Variants in CSMD1 observed in about 807,000 individuals in gnomAD.
The protein encoded by CSMD1 is CUB and sushi domain-containing protein 1.
In CSMD1, 213 loss-of-function variants were observed where a neutral mutation model predicts 417.5. The observed-to-expected ratio is 0.51, with a 90% CI of 0.46 to 0.57. CSMD1 has a LOEUF of 0.57. Among genes scored for constraint, CSMD1 ranks in the 20% least tolerant of loss-of-function variants. The pLI, the probability that CSMD1 is intolerant of heterozygous loss-of-function variation, is 0.00. For synonymous variants in CSMD1, 2,862 were observed against 1,736.8 expected (o/e 1.65, Z -16.11); for missense variants, 6,923 against 4,529.7 (o/e 1.53, Z -15.17).
intron 7 of CSMD1, among the ~76,000 whole-genome samples, chr8:3,636,052 T>C (rs927667538): frequency 6.7e-6 from 1 of 149,592 alleles, no homozygotes; most frequent in African/African-American, 2.5e-5. Context: ...ATATCCTTAC[T>C]CTATAAGCTT....
At chr8:4,289,318 C>T (rs1797232598) in intron 3 of CSMD1, among the ~76,000 whole-genome samples, 1 of 152,208 alleles carries the variant, frequency 6.6e-6, no homozygotes, top group Non-Finnish European at 1.5e-5. Flanking sequence ...AGATTGCTAT[C>T]ACGTAACTCC....
At chr8:3,723,574 A>G (rs546568228) in intron 6 of CSMD1, among the ~76,000 whole-genome samples, 1 of 152,326 alleles carries the variant, frequency 6.6e-6, no homozygotes, top group African/African-American at 2.4e-5. Flanking sequence ...CAATTATTAG[A>G]TAGTCTTTTT....
At chr8:3,103,577 C>T (rs1815911103) in intron 46 of CSMD1, among the ~76,000 whole-genome samples, 1 of 151,938 alleles carries the variant, frequency 6.6e-6, no homozygotes, top group Non-Finnish European at 1.5e-5. Context: ...TAGGAATTTT[C>T]AGCTTCATTA....
intron 5 of CSMD1, among the ~76,000 whole-genome samples, chr8:3,777,177 G>T (rs1344738688): frequency 6.6e-6 from 1 of 151,536 alleles, no homozygotes; most frequent in Non-Finnish European, 1.5e-5. Context: ...ATATATGTAT[G>T]TGTGTCTGTT....
At chr8:3,944,820 A>G (rs898201430) in intron 5 of CSMD1, among the ~76,000 whole-genome samples, 3 of 152,174 alleles carry the variant, frequency 2.0e-5, no homozygotes, top group African/African-American at 4.8e-5. Flanking sequence ...TCCCCCGCCA[A>G]TCCAATAATT....
chr8:3,990,337 A>G (rs1462617764), intron 5 of CSMD1, among the ~76,000 whole-genome samples: 1 of 152,176 alleles, frequency 6.6e-6, no homozygotes, highest in Non-Finnish European at 1.5e-5. Flanking sequence ...GAAATCTGAC[A>G]TGAGAGAAAT....
At chr8:4,124,133 T>G (rs1346625767) in intron 3 of CSMD1, among the ~76,000 whole-genome samples, 3 of 151,696 alleles carry the variant, frequency 2.0e-5, no homozygotes, top group Admixed American at 1.3e-4. Context: ...AGAAGTCAAG[T>G]GATGAATGTT....
At chr8:4,151,880 T>A (rs2131057440) in intron 3 of CSMD1, among the ~76,000 whole-genome samples, 2 of 152,288 alleles carry the variant, frequency 1.3e-5, no homozygotes, top group Non-Finnish European at 2.9e-5. Context: ...CAGGCACACA[T>A]TAAATATTAG....
chr8:4,982,888 T>G (rs1810976973), intron 1 of CSMD1, among the ~76,000 whole-genome samples: 1 of 152,178 alleles, frequency 6.6e-6, no homozygotes. Flanking sequence ...ATTTTGTAAC[T>G]GCAGTTGTAA....
chr8:3,874,379 G>A (rs1041500148), intron 5 of CSMD1, among the ~76,000 whole-genome samples: 5 of 152,310 alleles, frequency 3.3e-5, no homozygotes, highest in African/African-American at 9.6e-5. Context: ...CTTTAAAGAC[G>A]TACTTTTCAG....
At chr8:3,280,148 G>A (rs1257537322) in intron 26 of CSMD1, among the ~76,000 whole-genome samples, 1 of 152,100 alleles carries the variant, frequency 6.6e-6, no homozygotes, top group Non-Finnish European at 1.5e-5. Context: ...CCCATGCTGG[G>A]GCTTCTTATT....
intron 6 of CSMD1, among the ~76,000 whole-genome samples, chr8:3,734,553 A>G (rs1466684378): frequency 2.6e-5 from 4 of 152,156 alleles, no homozygotes. Context: ...TCTACTAAAA[A>G]TACCCAAAAT....
At chr8:3,772,710 CAT>C (rs756161334) in intron 5 of CSMD1, among the ~76,000 whole-genome samples, 29 of 145,252 alleles carry the variant, frequency 2.0e-4, no homozygotes, top group East Asian at 1.6e-3. Flanking sequence ...TACACACACA[CAT>C]ATATATATAT....
intron 3 of CSMD1, among the ~76,000 whole-genome samples, chr8:4,131,984 T>C (rs1039145307): frequency 2.0e-5 from 3 of 152,012 alleles, no homozygotes; most frequent in African/African-American, 7.2e-5. Flanking sequence ...CAGGATGGTC[T>C]CGATCTCCTG....
At chr8:4,003,202 G>C (rs1054063793) in intron 4 of CSMD1, among the ~76,000 whole-genome samples, 1 of 152,058 alleles carries the variant, frequency 6.6e-6, no homozygotes, top group African/African-American at 2.4e-5. Flanking sequence ...GACCATCCTG[G>C]CTAACATGGT....
chr8:4,441,719 G>T (rs926293563), intron 2 of CSMD1, among the ~76,000 whole-genome samples: 1 of 152,068 alleles, frequency 6.6e-6, no homozygotes, highest in African/African-American at 2.4e-5. Flanking sequence ...TGAGGTACAG[G>T]AGATAAATGA....
At chr8:4,313,674 G>A (rs978034238) in intron 3 of CSMD1, among the ~76,000 whole-genome samples, 1 of 151,928 alleles carries the variant, frequency 6.6e-6, no homozygotes, top group African/African-American at 2.4e-5. Context: ...GGGAAACCAG[G>A]AGCTCTGAAA....
At chr8:4,077,946 A>G (rs528448341) in intron 3 of CSMD1, among the ~76,000 whole-genome samples, 3 of 151,924 alleles carry the variant, frequency 2.0e-5, no homozygotes, top group East Asian at 1.9e-4. Context: ...TTACATACCC[A>G]TACTCGCCCT....
At chr8:4,461,931 C>G (rs953272073) in intron 2 of CSMD1, among the ~76,000 whole-genome samples, 1 of 151,766 alleles carries the variant, frequency 6.6e-6, no homozygotes, top group Admixed American at 6.6e-5. Flanking sequence ...TTAGAAGAGA[C>G]GGGGTTTCAT....
Sources: allele counts gnomAD v4.1 joint callset (sites outside exome capture counted in the v4.1 genomes callset), GRCh38; gene constraint gnomAD v4.1.1; transcripts MANE v1.5; gene names NCBI Gene and HGNC (gene_info 2026-07-23, HGNC 2026-07-21).